DENND1C: variants seen among roughly 807,000 people sequenced by gnomAD.
DENND1C encodes the protein DENN domain-containing protein 1C.
DENND1C carries 64 observed loss-of-function variants against 87.9 expected under a neutral mutation model. That is an observed-to-expected ratio of 0.73 (90% confidence interval 0.60 to 0.90). The LOEUF is 0.90. DENND1C is among the 40% of genes least tolerant of loss of function. The probability of loss-of-function intolerance (pLI) is 0.00; values close to 1 mark genes in which losing one functional copy is unlikely to be tolerated. For missense variants in DENND1C, 980 were observed against 1,037.0 expected (o/e 0.95, Z 0.76); for synonymous variants, 384 against 424.4 (o/e 0.90, Z 1.17).
At chr19:6,480,138 G>A (rs1232744822) in intron 1 of DENND1C, 87 bp from the exon 2 acceptor site, 2 of 1,538,326 alleles carry the variant, frequency 1.3e-6, no homozygotes, top group Non-Finnish European at 8.8e-7. Flanking sequence ...GGTTGTGTGT[G>A]CATGTGCCAC....
chr19:6,480,947 G>A (rs899258884), intron 1 of DENND1C, among the ~76,000 whole-genome samples: 1 of 151,572 alleles, frequency 6.6e-6, no homozygotes, highest in Non-Finnish European at 1.5e-5. Flanking sequence ...GTGTGTGCCC[G>A]AGCAAGTGAA....
chr19:6,473,412 C>T (rs1221956385), intron 14 of DENND1C, among the ~76,000 whole-genome samples: 5 of 150,118 alleles, frequency 3.3e-5, no homozygotes, highest in South Asian at 4.2e-4. Flanking sequence ...CTCGGCCTCC[C>T]AAAGTGCTGG....
At position 6,481,706 on chromosome 19, in the gene DENND1C, G is replaced by C; in HGVS notation, c.-11C>G. ...AGCTCTGGATTCCATGGTCCCTGCA[G>C]GGCCAGCCCAGCGGGGCCCTCTCCC... is the stretch of plus-strand genomic sequence containing the variant. On this transcript the variant is annotated 5_prime_UTR_variant, in exon 1 of 23. Transcript: ENST00000381480. The C allele has an allele frequency of 1.3e-6, 2 of 1,582,548 alleles. No homozygotes were observed. The highest frequency in any genetic ancestry group is 4.7e-5 in the East Asian group (2 of 42,994).
intron 1 of DENND1C, 126 bp downstream of exon 1, chr19:6,481,553 C>A: frequency 7.0e-7 from 1 of 1,420,974 alleles, no homozygotes; most frequent in South Asian, 1.3e-5. Context: ...GTATCTGATT[C>A]CAGCCACCTG....
intron 10 of DENND1C, 136 bp downstream of exon 10, chr19:6,476,721 T>G: frequency 1.1e-6 from 1 of 889,716 alleles, no homozygotes; most frequent in Non-Finnish European, 1.7e-6. Context: ...CTCCAAGACC[T>G]TCGAAGGGGC....
In DENND1C at chr19:6,477,242, G is replaced by C. The variant is rs200742431; in HGVS notation, c.489C>G (p.Pro163=). 3.2e-6 allele frequency: 5 copies of C among 1,585,746 alleles called. No individual in the cohort carries two copies. Among genetic ancestry groups the C allele is most frequent in the East Asian group, 2.2e-5 (1 of 44,474 alleles). Residue 163 remains proline (P), a synonymous_variant, in exon 8 of 23, where the codon CCC becomes CCG. Coordinates refer to ENST00000381480, the MANE Select transcript of DENND1C (RefSeq NM_024898.4). ...VTVSSGQGIP[P]PTRGNSKPLS... The stretch of plus-strand genomic sequence containing the variant: ...CCGGCTTGCTATTCCCCCGGGTAGG[G>C]GGGGGGATACCCTGCCCGCTGGAGA...
Position 6,472,898 on chromosome 19 carries a change from C to G in DENND1C, c.1149G>C (p.Leu383=). ...CAGGGCTCTGGCATACCTGTTTGAA[C>G]AGCTGCAGGTGCACAGCCCGCCGGT... ...AFHRRAVHLQ[L]FKQFIEARLE... is the part of the protein sequence containing the mutation. The change falls in exon 15 of 23, where the codon CTG becomes CTC. Residue 383 remains leucine, a synonymous_variant. Coordinates refer to ENST00000381480, the MANE Select transcript of DENND1C (RefSeq NM_024898.4). 2 of 1,563,122 alleles carry G rather than the reference C, an allele frequency of 1.3e-6. No individual in the cohort carries two copies. The highest frequency in any genetic ancestry group is 1.2e-5 in the South Asian group (1 of 83,206).
At position 6,469,605 on chromosome 19, in the gene DENND1C, T is replaced by C. The variant is rs747462580; in HGVS notation, c.1398A>G (p.Leu466=). The C allele has an allele frequency of 1.7e-5, 28 of 1,605,050 alleles. No homozygotes were observed. The highest frequency in any genetic ancestry group is 2.4e-5 in the Non-Finnish European group (28 of 1,176,246). ...GGCCAGTTGATCTTACCTTATACAT[T>C]AGAAGGCTCTGCACCCCCTTCAAGC... ...KSGLKGVQSL[L]MYKDGDSVLQ... Residue 466 remains leucine, a synonymous_variant, in exon 19 of 23, where the codon CTA becomes CTG. Transcript: ENST00000381480.
Position 6,468,111 on chromosome 19 carries a change from A to G in DENND1C, c.1799T>C (p.Ile600Thr), listed in dbSNP as rs1232682196. ...DLDSCFSLPN[I>T]PRWQPDDKKL... Reference sequence around the variant, plus strand: ...CTTATCGTCTGGTTGCCATCTTGGTATGTTGGGCTAGGTGAGATGGATAGG... The same window carrying G: ...CTTATCGTCTGGTTGCCATCTTGGTGTGTTGGGCTAGGTGAGATGGATAGG... The change falls in exon 23 of 23, where the codon ATA becomes ACA. Residue 600 changes from isoleucine (I) to threonine (T), a missense_variant. Transcript: ENST00000381480. 1 of 1,613,212 alleles carries G rather than the reference A, an allele frequency of 6.2e-7. No individual in the cohort carries two copies. Among genetic ancestry groups the G allele is most frequent in the African/African-American group, 1.3e-5 (1 of 74,834 alleles).
chr19:6,479,776 G>T, intron 3 of DENND1C, 58 bp from the exon 4 acceptor site: 1 of 1,613,852 alleles, frequency 6.2e-7, no homozygotes. Context: ...CCACCTCCCT[G>T]GGCTCCAGGT....
rs192002746 is a variant in DENND1C at position 6,469,580 on chromosome 19, G to A, written c.1407+16C>T. The A allele has an allele frequency of 4.1e-4, 656 of 1,600,036 alleles. 6 individuals are homozygous for A. In the East Asian group the frequency reaches 0.012, roughly 30 times the overall value. On this transcript the variant is annotated intron_variant, in intron 19 of 22. Transcript: ENST00000381480. Reference sequence around the variant, plus strand: ...ATTACAGGGGTGAGCCACTGCACCCGGCCAGTTGATCTTACCTTATACATT... The same window carrying A: ...ATTACAGGGGTGAGCCACTGCACCCAGCCAGTTGATCTTACCTTATACATT...
chr19:6,470,768 C>A (rs2092824523), intron 17 of DENND1C, among the ~76,000 whole-genome samples: 1 of 151,116 alleles, frequency 6.6e-6, no homozygotes, highest in African/African-American at 2.4e-5. Context: ...ACTACAGGCG[C>A]CTGCCACCAC....
Position 6,481,660 on chromosome 19 carries a change from G to T in DENND1C, c.17+19C>A. ...CCGGGAATCTTGTACCAGAGAATGA[G>T]GGATGGGGTGGCTCTTACTCAGCTC... On this transcript the variant is annotated intron_variant, in intron 1 of 22. Coordinates refer to ENST00000381480, the MANE Select transcript of DENND1C (RefSeq NM_024898.4). 1 of 1,611,744 alleles carries T rather than the reference G, an allele frequency of 6.2e-7. No individual in the cohort carries two copies. The highest frequency in any genetic ancestry group is 8.5e-7 in the Non-Finnish European group (1 of 1,178,846).
At position 6,468,011 on chromosome 19, in the gene DENND1C, G is replaced by A. The variant is rs369730688; in HGVS notation, c.1899C>T (p.Ser633=). ...GCTGGGACCTGGAGTCCTTTGAAGAGCTGGTGGCATCCAAAGACGAGGCAT... is the reference window on the plus strand; with the variant it reads ...GCTGGGACCTGGAGTCCTTTGAAGAACTGGTGGCATCCAAAGACGAGGCAT... ...LQNASSLDAT[S]SSKDSRSQLI... Residue 633 remains serine, a synonymous_variant, in exon 23 of 23, where the codon AGC becomes AGT. Coordinates refer to ENST00000381480, the MANE Select transcript of DENND1C (RefSeq NM_024898.4). The A allele has an allele frequency of 5.0e-6, 8 of 1,613,788 alleles. No homozygotes were observed. The East Asian group carries it at 8.9e-5, about 18-fold the overall frequency.
rs768894774 is a variant in DENND1C, at chr19:6,469,611, G to C, written c.1392C>G (p.Ser464Arg). The change falls in exon 19 of 23, where the codon AGC (serine) becomes AGG (arginine). Residue 464 changes from serine (S) to arginine (R), a missense_variant. Coordinates refer to ENST00000381480, the MANE Select transcript of DENND1C (RefSeq NM_024898.4). ...SAKSGLKGVQ[S>R]LLMYKDGDSV... Reference sequence around the variant, plus strand: ...TTGATCTTACCTTATACATTAGAAGGCTCTGCACCCCCTTCAAGCCACTCT... The same window carrying C: ...TTGATCTTACCTTATACATTAGAAGCCTCTGCACCCCCTTCAAGCCACTCT... 3.7e-6 allele frequency: 6 copies of C among 1,605,208 alleles called. No homozygotes were observed. The highest frequency in any genetic ancestry group is 5.1e-6 in the Non-Finnish European group (6 of 1,176,348).
Position 6,475,540 on chromosome 19 carries a change from C to T in DENND1C, c.871G>A (p.Asp291Asn), listed in dbSNP as rs889665216. 1 of 1,613,858 alleles carries T rather than the reference C, an allele frequency of 6.2e-7. No homozygotes were observed. The highest frequency in any genetic ancestry group is 1.3e-5 in the African/African-American group (1 of 74,922). ...AAGGTCGTCTCCAAGGTATTGGCGT[C>T]CACGTTCAGCACCACGACGTCCTCC... The part of the protein sequence containing the change: ...ALEDVVVLNV[D>N]ANTLETTFND... The change falls in exon 13 of 23, where the codon GAC becomes AAC. Residue 291 changes from aspartate (D) to asparagine (N), a missense_variant. Physicochemically the swap from Asp to Asn is conservative, Grantham distance 23. Coordinates refer to ENST00000381480, the MANE Select transcript of DENND1C (RefSeq NM_024898.4).
intron 12 of DENND1C, 27 bp downstream of exon 12, chr19:6,475,679 C>T (rs753570810): frequency 6.2e-7 from 1 of 1,606,738 alleles, no homozygotes; most frequent in Admixed American, 1.7e-5. Context: ...CCTCACGTCC[C>T]CGTCGTCTGG....
chr19:6,469,053 T>G, intron 19 of DENND1C, 100 bp from the exon 20 acceptor site: 1 of 701,514 alleles, frequency 1.4e-6, no homozygotes, highest in Non-Finnish European at 2.0e-6. Flanking sequence ...TTGTTTGAAA[T>G]GAAGCTTCAC....
In DENND1C at chr19:6,475,911, G is replaced by A. The variant is rs139889754; in HGVS notation, c.705C>T (p.Cys235=). The A allele has an allele frequency of 3.1e-5, 49 of 1,570,126 alleles. No homozygotes were observed. In the African/African-American group the frequency reaches 5.2e-4, roughly 17 times the overall value. ...STLTSCVHAS[C]ALLYPMRWEH... ...CCCAGCGCATGGGGTACAGGAGCGC[G>A]CAGGACGCGTGGACGCACGAGGTCA... Residue 235 remains cysteine, a synonymous_variant, in exon 11 of 23, where the codon TGC becomes TGT. Coordinates refer to ENST00000381480, the MANE Select transcript of DENND1C (RefSeq NM_024898.4).
Sources: allele counts gnomAD v4.1 joint callset (sites outside exome capture counted in the v4.1 genomes callset), GRCh38; gene constraint gnomAD v4.1.1; transcripts MANE v1.5; gene names NCBI Gene and HGNC (gene_info 2026-07-23, HGNC 2026-07-21).